Variants in LRBA observed in about 807,000 individuals in gnomAD.
LRBA encodes LPS responsive beige-like anchor protein, also known as lipopolysaccharide-responsive and beige-like anchor protein.
LRBA carries 176 observed loss-of-function variants against 330.0 expected under a neutral mutation model. The ratio of observed to expected loss-of-function variants is 0.53; its 90% CI spans 0.47 to 0.60. The LOEUF is 0.60. Ranked by LOEUF, LRBA falls within the 20% of genes least tolerant of loss-of-function variation. The pLI, the probability that LRBA is intolerant of heterozygous loss-of-function variation, is 0.00. For missense variants in LRBA, 3,259 were observed against 3,444.8 expected (o/e 0.95, Z 1.35); for synonymous variants, 1,230 against 1,193.0 (o/e 1.03, Z -0.64).
intron 38 of LRBA, among the ~76,000 whole-genome samples, chr4:150,592,805 T>C (rs185854758): frequency 2.7e-4 from 41 of 152,256 alleles, no homozygotes; most frequent in African/African-American, 9.6e-4. Flanking sequence ...TTTTTTAATT[T>C]AACTTTTTGT....
intron 40 of LRBA, among the ~76,000 whole-genome samples, chr4:150,503,070 G>A (rs1157152725): frequency 6.6e-6 from 1 of 152,208 alleles, no homozygotes; most frequent in East Asian, 1.9e-4. Context: ...CGAACTGGGT[G>A]GAGGCCACCA....
At chr4:150,983,379 C>G (rs896538486) in intron 2 of LRBA, among the ~76,000 whole-genome samples, 2 of 151,474 alleles carry the variant, frequency 1.3e-5, no homozygotes, top group East Asian at 1.9e-4. Context: ...TGCTTGACCC[C>G]AGGAGGTTGA....
intron 40 of LRBA, among the ~76,000 whole-genome samples, chr4:150,587,619 G>T (rs1364548617): frequency 6.6e-6 from 1 of 152,158 alleles, no homozygotes; most frequent in South Asian, 2.1e-4. Context: ...ATGCTTGCAT[G>T]CACGACAGAG....
chr4:150,841,874 T>A (rs565855837), intron 28 of LRBA, among the ~76,000 whole-genome samples: 1 of 152,080 alleles, frequency 6.6e-6, no homozygotes, highest in Non-Finnish European at 1.5e-5. Flanking sequence ...GCCAGGATGG[T>A]CTCCATCTCC....
chr4:150,959,467 A>G (rs2149561994), intron 2 of LRBA, among the ~76,000 whole-genome samples: 1 of 149,472 alleles, frequency 6.7e-6, no homozygotes, highest in Middle Eastern at 3.4e-3. Flanking sequence ...AAAATAGCAG[A>G]AACATGATCA....
At chr4:150,409,706 A>C (rs1189769124) in intron 47 of LRBA, among the ~76,000 whole-genome samples, 1 of 152,166 alleles carries the variant, frequency 6.6e-6, no homozygotes, top group Non-Finnish European at 1.5e-5. Flanking sequence ...TTTTACATTG[A>C]CTTTATAAAT....
At chr4:150,296,115 T>C (rs532323517) in intron 53 of LRBA, among the ~76,000 whole-genome samples, 82 of 152,342 alleles carry the variant, frequency 5.4e-4, no homozygotes, top group African/African-American at 2.0e-3. Context: ...GTTTTATCTA[T>C]TTATCCTAAA....
chr4:150,286,910 A>C (rs1344528371), intron 53 of LRBA, among the ~76,000 whole-genome samples: 1 of 152,216 alleles, frequency 6.6e-6, no homozygotes, highest in African/African-American at 2.4e-5. Flanking sequence ...ACAAGGATAA[A>C]CTGGATTCCA....
intron 36 of LRBA, among the ~76,000 whole-genome samples, chr4:150,702,110 TACTTTTGC>T (rs1443906121): frequency 6.6e-6 from 1 of 152,192 alleles, no homozygotes; most frequent in African/African-American, 2.4e-5. Context: ...CACATAAAAT[TACTTTTGC>T]ACTATTTCCT....
intron 34 of LRBA, among the ~76,000 whole-genome samples, chr4:150,777,581 T>TC (rs1425938693): frequency 6.6e-6 from 1 of 152,062 alleles, no homozygotes; most frequent in Middle Eastern, 3.2e-3. Flanking sequence ...ACAGAAACAC[T>TC]CCTAGGAGTT....
intron 2 of LRBA, among the ~76,000 whole-genome samples, chr4:150,932,928 AG>A (rs1341034101): frequency 8.3e-4 from 126 of 152,226 alleles, no homozygotes; most frequent in African/African-American, 2.9e-3. Context: ...AACAAAAAAA[AG>A]AAAAACAAAA....
intron 17 of LRBA, among the ~76,000 whole-genome samples, chr4:150,886,721 A>G (rs1728978708): frequency 6.6e-6 from 1 of 152,208 alleles, no homozygotes; most frequent in African/African-American, 2.4e-5. Flanking sequence ...GCTAAACAAC[A>G]ACAACAAAAC....
rs1335329872 is a variant in LRBA, at chr4:150,870,689, ATTAACT to A, written c.2368-89_2368-84del. 37 of 718,302 alleles carry A rather than the reference ATTAACT, an allele frequency of 5.2e-5. No individual in the cohort carries two copies. In the East Asian group the frequency reaches 8.3e-4, roughly 16 times the overall value. The allele number at this position is 718,302 out of a possible 1,614,324, so 44.5% of individuals were successfully genotyped here. On this transcript the variant is annotated intron_variant, in intron 19 of 56. Coordinates refer to ENST00000651943, the MANE Select transcript of LRBA (RefSeq NM_001364905.1). Reference sequence around the variant, plus strand: ...ATGAACTTTAAGTGCATCACTATTAATTAACTTTAAGTACAACACTAATCAAAATAT... The same window carrying A: ...ATGAACTTTAAGTGCATCACTATTAATTAAGTACAACACTAATCAAAATAT...
chr4:150,853,151 C>T (rs1198885185), intron 22 of LRBA, among the ~76,000 whole-genome samples: 3 of 152,024 alleles, frequency 2.0e-5, no homozygotes, highest in Non-Finnish European at 4.4e-5. Flanking sequence ...TTAATGTTAA[C>T]AAGTAACACA....
chr4:150,653,805 T>C (rs1250268939), intron 37 of LRBA, among the ~76,000 whole-genome samples: 4 of 152,242 alleles, frequency 2.6e-5, no homozygotes, highest in African/African-American at 9.6e-5. Flanking sequence ...TAATTACTTA[T>C]TTGCTTTACA....
At chr4:150,551,674 TA>T (rs67971232) in intron 40 of LRBA, among the ~76,000 whole-genome samples, 9,733 of 144,922 alleles carry the variant, frequency 0.067, 508 homozygotes, top group East Asian at 0.18. Context: ...TCTCAAAAAA[TA>T]AAAAAAAAAG....
rs1208804334 is a variant in LRBA at position 150,487,832 on chromosome 4, C to CAGTTG, written c.6450_6451insCAACT (p.Ala2151GlnfsTer4). On this transcript the variant is annotated frameshift_variant and splice_region_variant, in exon 42 of 57. Coordinates refer to ENST00000651943, the MANE Select transcript of LRBA (RefSeq NM_001364905.1). LOFTEE classifies it high-confidence loss of function. ...GGGTCTGGGAAGTTGAACATCACAGCAACTACAACAGATGATTTTTAAAAA... is the reference window on the plus strand; with the variant it reads ...GGGTCTGGGAAGTTGAACATCACAGCAGTTGAACTACAACAGATGATTTTTAAAAA... 6.5e-7 allele frequency: 1 copy of CAGTTG among 1,540,834 alleles called. No homozygotes were observed. Among genetic ancestry groups the CAGTTG allele is most frequent in the South Asian group, 1.2e-5 (1 of 84,364 alleles).
At chr4:151,005,076 C>G (rs766573559) in intron 2 of LRBA, among the ~76,000 whole-genome samples, 17 of 151,410 alleles carry the variant, frequency 1.1e-4, no homozygotes, top group Non-Finnish European at 2.1e-4. Context: ...AGATGTTAAA[C>G]TTACACAAAC....
rs1734155777 is a variant in LRBA, at chr4:150,928,834, C to A, written c.448G>T (p.Asp150Tyr). The A allele has an allele frequency of 1.9e-6, 3 of 1,609,004 alleles. No homozygotes were observed. Among genetic ancestry groups the A allele is most frequent in the Non-Finnish European group, 1.7e-6 (2 of 1,175,926 alleles). ...TATTGTACTATAGAAAAAATCATAC[C>A]TGCTATCATATTGTCAACTTTTTCA... Reference protein sequence around the residue: ...KIEKVDNMIADLLVDMLGVLA... With the variant: ...KIEKVDNMIAYLLVDMLGVLA... Residue 150 changes from aspartate to tyrosine, a missense_variant and splice_region_variant, in exon 3 of 57, where the codon GAT becomes TAT. Asp to Tyr is a radical substitution (Grantham distance 160, BLOSUM62 -3). Transcript: ENST00000651943.
Sources: allele counts gnomAD v4.1 joint callset (sites outside exome capture counted in the v4.1 genomes callset), GRCh38; gene constraint gnomAD v4.1.1; transcripts MANE v1.5; gene names NCBI Gene and HGNC (gene_info 2026-07-23, HGNC 2026-07-21).